LINGO2: variants seen among roughly 807,000 people sequenced by gnomAD.
LINGO2 encodes the protein leucine rich repeat and Ig domain containing 2, also known as leucine-rich repeat and immunoglobulin-like domain-containing nogo receptor-interacting protein 2.
In LINGO2, 14 loss-of-function variants were observed where a neutral mutation model predicts 30.6. That is an observed-to-expected ratio of 0.46 (90% CI 0.30 to 0.72). The LOEUF (loss-of-function observed/expected upper bound fraction) is 0.72. Among genes scored for constraint, LINGO2 ranks in the 30% least tolerant of loss-of-function variants. The pLI, the probability that LINGO2 is intolerant of heterozygous loss-of-function variation, is 0.07. For missense variants in LINGO2, 729 were observed against 751.7 expected (o/e 0.97, Z 0.35); for synonymous variants, 317 against 288.5 (o/e 1.10, Z -1.00).
chr9:28,003,813 G>A (rs990741416), intron 5 of LINGO2, among the ~76,000 whole-genome samples: 1 of 152,098 alleles, frequency 6.6e-6, no homozygotes, highest in Non-Finnish European at 1.5e-5. Flanking sequence ...TTTGTTATAT[G>A]TCCTAAGTTG....
chr9:28,833,597 A>G, the LINGO2 span, among the ~76,000 whole-genome samples: 1 of 152,174 alleles, frequency 6.6e-6, no homozygotes, highest in African/African-American at 2.4e-5. Flanking sequence ...ATCCTTTGCC[A>G]CATTCAATGG....
intron 2 of LINGO2, among the ~76,000 whole-genome samples, chr9:28,374,845 C>A (rs1363061013): frequency 6.6e-6 from 1 of 151,936 alleles, no homozygotes; most frequent in Non-Finnish European, 1.5e-5. Context: ...TTTAATTTGA[C>A]AAATTGACCC....
chr9:28,250,851 G>A (rs193178905), intron 4 of LINGO2, among the ~76,000 whole-genome samples: 40 of 152,246 alleles, frequency 2.6e-4, no homozygotes, highest in African/African-American at 8.9e-4. Flanking sequence ...GACTTTCACA[G>A]CTACCCAGTG....
chr9:29,051,055 T>C, the LINGO2 span, among the ~76,000 whole-genome samples: 1 of 152,294 alleles, frequency 6.6e-6, no homozygotes, highest in Middle Eastern at 3.4e-3. Flanking sequence ...AAGATACAGA[T>C]ATTTTTCTAT....
At chr9:28,137,412 C>T (rs1226687167) in intron 4 of LINGO2, among the ~76,000 whole-genome samples, 1 of 152,216 alleles carries the variant, frequency 6.6e-6, no homozygotes, top group East Asian at 1.9e-4. Flanking sequence ...ACCTCTACAA[C>T]AAACCTGCTC....
At position 28,113,303 on chromosome 9, in the gene LINGO2, G is replaced by A. The variant is rs1242102615; in HGVS notation, c.-86-100898C>T. ...TTTGGTACCAGTACCATGCTGTTTT[G>A]GTTACTGTAGCCTTGTAGTATAGTT... is the stretch of plus-strand genomic sequence containing the variant. On this transcript the variant is annotated intron_variant, in intron 4 of 5. Transcript: ENST00000379992. Among the ~76,000 whole-genome samples the A allele has an allele frequency of 8.7e-5, 7 of 80,244 alleles. No homozygotes were observed. The Admixed American group carries it at 9.8e-4, about 11-fold the overall frequency. 52.6% of individuals were successfully genotyped at this position (80,244 alleles called of 152,430 possible). A position where few individuals can be genotyped will look rare whatever the true frequency, so the allele number is the denominator to read the frequency against.
At chr9:28,253,460 A>G (rs1822276505) in intron 4 of LINGO2, among the ~76,000 whole-genome samples, 1 of 152,182 alleles carries the variant, frequency 6.6e-6, no homozygotes, top group Admixed American at 6.5e-5. Context: ...GTGAGAAAGC[A>G]TTCTTATTTC....
intron 4 of LINGO2, among the ~76,000 whole-genome samples, chr9:28,272,242 AAC>A (rs1822966531): frequency 6.6e-6 from 1 of 152,110 alleles, no homozygotes. Flanking sequence ...CAACAGGGAG[AAC>A]AGATCGTGTT....
At chr9:28,194,707 A>T (rs1471567106) in intron 4 of LINGO2, among the ~76,000 whole-genome samples, 4 of 152,036 alleles carry the variant, frequency 2.6e-5, no homozygotes, top group Non-Finnish European at 5.9e-5. Context: ...AAAGAAAAAA[A>T]TAAAAACACA....
chr9:28,527,521 T>C (rs10968644), intron 1 of LINGO2, among the ~76,000 whole-genome samples: 1,939 of 152,166 alleles, frequency 0.013, 46 homozygotes, highest in East Asian at 0.11. Context: ...TTCACCAAGG[T>C]CCATCTTCAT....
chr9:28,756,525 A>G, the LINGO2 span, among the ~76,000 whole-genome samples: 3 of 151,888 alleles, frequency 2.0e-5, no homozygotes, highest in Non-Finnish European at 2.9e-5. Context: ...AGGACATGAT[A>G]TTGGGGAGAG....
chr9:27,938,700 A>T, the LINGO2 span: 1 of 152,180 alleles, frequency 6.6e-6, no homozygotes, highest in African/African-American at 2.4e-5. Flanking sequence ...CACAAGTTGC[A>T]ATCAATATGG....
chr9:28,448,658 A>G (rs562920408), intron 2 of LINGO2, among the ~76,000 whole-genome samples: 5 of 152,218 alleles, frequency 3.3e-5, no homozygotes, highest in African/African-American at 1.2e-4. Context: ...AGGTAAATCT[A>G]AAAGTGCTAT....
At position 28,297,150 on chromosome 9, in the gene LINGO2, A is replaced by G. The variant is rs542908431; in HGVS notation, c.-245-1784T>C. Among the ~76,000 whole-genome samples, 227 of 152,332 alleles carry G rather than the reference A, an allele frequency of 1.5e-3. 1 individual carries two copies. The highest frequency in any genetic ancestry group is 2.8e-3 in the Non-Finnish European group (188 of 68,026). ...AAAGCTACTTGCTTTGGAAGCACTC[A>G]TCAGTGACTTAGCGCCACTTCTCAT... On this transcript the variant is annotated intron_variant, in intron 3 of 5. Coordinates refer to ENST00000379992, the Ensembl canonical transcript of LINGO2.
chr9:28,876,384 A>G, the LINGO2 span, among the ~76,000 whole-genome samples: 1 of 151,444 alleles, frequency 6.6e-6, no homozygotes, highest in African/African-American at 2.4e-5. Flanking sequence ...ATATCTCCTA[A>G]GGCTATCCCT....
chr9:28,798,587 G>A, the LINGO2 span, among the ~76,000 whole-genome samples: 1 of 152,010 alleles, frequency 6.6e-6, no homozygotes, highest in East Asian at 1.9e-4. Context: ...AGGAAGGAAA[G>A]TATAAAATAT....
chr9:29,189,376 G>A, the LINGO2 span, among the ~76,000 whole-genome samples: 7 of 151,540 alleles, frequency 4.6e-5, no homozygotes, highest in Middle Eastern at 3.4e-3. Flanking sequence ...CTTCTCAGAC[G>A]GGGCGGTTGC....
At chr9:27,978,028 C>A (rs1820686494) in intron 5 of LINGO2, among the ~76,000 whole-genome samples, 1 of 151,898 alleles carries the variant, frequency 6.6e-6, no homozygotes, top group African/African-American at 2.4e-5. Flanking sequence ...CTCTTAGCTG[C>A]CTCTTGCTGA....
intron 3 of LINGO2, among the ~76,000 whole-genome samples, chr9:28,340,300 C>T (rs758140992): frequency 1.3e-5 from 2 of 152,004 alleles, no homozygotes; most frequent in African/African-American, 4.8e-5. Flanking sequence ...CACAATGTCT[C>T]GTATATAATA....
Sources: gnomAD v4.1 joint callset for allele counts (sites outside exome capture counted in the v4.1 genomes callset) on GRCh38, gnomAD v4.1.1 for gene constraint, MANE v1.5 for transcripts, NCBI Gene and HGNC (gene_info 2026-07-23, HGNC 2026-07-21) for gene names.